PADI1: variants seen among roughly 807,000 people sequenced by gnomAD.
PADI1 encodes the protein peptidyl arginine deiminase 1.
In PADI1, 65 loss-of-function variants were observed where a neutral mutation model predicts 74.8. The observed-to-expected ratio is 0.87, with a 90% confidence interval of 0.71 to 1.07. PADI1 has a LOEUF of 1.07. PADI1 is among the 50% of genes least tolerant of loss of function. The pLI is 0.00. For missense variants in PADI1, 943 were observed against 854.0 expected, an observed-to-expected ratio of 1.10 and a Z score of -1.30; for synonymous variants, 371 against 336.2, an observed-to-expected ratio of 1.10 and a Z score of -1.13.
chr1:17,228,566 T>A (rs1351678053), intron 6 of PADI1, 59 bp from the exon 7 acceptor site: 1 of 1,577,672 alleles, frequency 6.3e-7, no homozygotes, highest in Admixed American at 1.7e-5. Context: ...CCTGGATTCC[T>A]GGGCTTGCAG....
intron 6 of PADI1, among the ~76,000 whole-genome samples, chr1:17,227,432 G>A (rs564125250): frequency 2.0e-5 from 3 of 150,554 alleles, no homozygotes; most frequent in African/African-American, 4.9e-5. Context: ...TCTGAAGGCT[G>A]AAGTGGGAGG....
At chr1:17,225,735 G>A (rs772785223) in intron 4 of PADI1, 76 bp from the exon 5 acceptor site, 71 of 941,114 alleles carry the variant, frequency 7.5e-5, no homozygotes, top group Middle Eastern at 2.8e-4. Flanking sequence ...AAAGCAGCCC[G>A]CCCTGGCCAT....
In PADI1 at chr1:17,237,475, C is replaced by A. The variant is rs769050999; in HGVS notation, c.1458+17C>A. 6.3e-7 allele frequency: 1 copy of A among 1,592,796 alleles called. No homozygotes were observed. Among genetic ancestry groups the A allele is most frequent in the Non-Finnish European group, 8.6e-7 (1 of 1,168,950 alleles). On this transcript the variant is annotated intron_variant, in intron 12 of 15. Transcript: ENST00000375471. The stretch of plus-strand genomic sequence containing the variant: ...GACCAAAAGGTGCGTCCCCTCCTTC[C>A]CTGCCTGAGCCACCTCTGCCCTTGT...
intron 2 of PADI1, 154 bp from the exon 3 acceptor site, chr1:17,223,467 C>A (rs2072218126): frequency 4.8e-6 from 3 of 627,390 alleles, no homozygotes; most frequent in Non-Finnish European, 5.7e-6. Context: ...TGAATCCCAG[C>A]CGGGAGCCCT....
chr1:17,230,979 G>C (rs2072476083), intron 10 of PADI1, among the ~76,000 whole-genome samples: 2 of 152,200 alleles, frequency 1.3e-5, no homozygotes, highest in Non-Finnish European at 2.9e-5. Context: ...TGGCAGTGTG[G>C]TCAGCTCTGG....
chr1:17,243,564 A>G (rs911794661), intron 15 of PADI1, among the ~76,000 whole-genome samples: 2 of 152,242 alleles, frequency 1.3e-5, no homozygotes, highest in Non-Finnish European at 2.9e-5. Context: ...AAAGACAGTT[A>G]AGCAAGCTGT....
chr1:17,229,654 C>T (rs1440159971), intron 8 of PADI1, among the ~76,000 whole-genome samples: 1 of 152,210 alleles, frequency 6.6e-6, no homozygotes, highest in African/African-American at 2.4e-5. Context: ...GCTCTGCTTC[C>T]CCGGGTCTAG....
intron 2 of PADI1, 71 bp downstream of exon 2, chr1:17,222,541 G>A (rs1347116380): frequency 2.5e-6 from 3 of 1,205,110 alleles, no homozygotes; most frequent in East Asian, 2.3e-5. Flanking sequence ...GCCCCACATT[G>A]GCAATTCCCA....
At chr1:17,236,614 C>T (rs1296698875) in intron 11 of PADI1, among the ~76,000 whole-genome samples, 1 of 151,992 alleles carries the variant, frequency 6.6e-6, no homozygotes, top group Non-Finnish European at 1.5e-5. Context: ...ATTAGCCGTG[C>T]GTGGTGGCAC....
intron 1 of PADI1, among the ~76,000 whole-genome samples, chr1:17,218,690 C>G (rs937198028): frequency 4.6e-5 from 7 of 152,050 alleles, no homozygotes; most frequent in African/African-American, 1.7e-4. Flanking sequence ...GTCAAGGGAG[C>G]AGAAGAAATG....
In PADI1 at chr1:17,244,756, G is replaced by C; in HGVS notation, c.*513G>C. The C allele has an allele frequency of 3.0e-6, 1 of 334,640 alleles. No individual in the cohort carries two copies. The highest frequency in any genetic ancestry group is 5.9e-6 in the Non-Finnish European group (1 of 170,378). 20.7% of individuals were successfully genotyped at this position (334,640 alleles called of 1,614,324 possible). ...GTTTCTTCTCCCAAAGGGGACCCAA[G>C]GCTGTGACACTTACCTCCACCCCCA... On this transcript the variant is annotated 3_prime_UTR_variant, in exon 16 of 16. Coordinates refer to ENST00000375471, the MANE Select transcript of PADI1 (RefSeq NM_013358.3).
intron 1 of PADI1, among the ~76,000 whole-genome samples, chr1:17,211,480 C>T (rs1334394159): frequency 6.6e-6 from 1 of 152,178 alleles, no homozygotes; most frequent in Non-Finnish European, 1.5e-5. Flanking sequence ...TTTAAGTGCT[C>T]ACTGCACCAT....
intron 1 of PADI1, among the ~76,000 whole-genome samples, chr1:17,218,119 A>T (rs542442642): frequency 1.3e-5 from 2 of 152,208 alleles, no homozygotes; most frequent in Non-Finnish European, 1.5e-5. Context: ...GGAAAGAATG[A>T]GCAGATTGGG....
chr1:17,216,691 C>A (rs548807451), intron 1 of PADI1, among the ~76,000 whole-genome samples: 1 of 151,886 alleles, frequency 6.6e-6, no homozygotes, highest in African/African-American at 2.4e-5. Flanking sequence ...GCCAACATGG[C>A]GAAACCCCAT....
chr1:17,240,556 C>T (rs575374030), intron 14 of PADI1, 79 bp from the exon 15 acceptor site: 29 of 1,515,916 alleles, frequency 1.9e-5, no homozygotes, highest in Non-Finnish European at 2.3e-5. Flanking sequence ...GGGCTCCACA[C>T]GGGCCCAGCG....
Position 17,244,026 on chromosome 1 carries a change from T to C in PADI1, c.1775T>C (p.Leu592Ser). 6.2e-7 allele frequency: 1 copy of C among 1,613,822 alleles called. No individual in the cohort carries two copies. Among genetic ancestry groups the C allele is most frequent in the Non-Finnish European group, 8.5e-7 (1 of 1,179,734 alleles). The stretch of plus-strand genomic sequence containing the variant: ...CTTTTGCAGGTTAACATGGTGGTCT[T>C]AGGCAAGTACCTGGGCATCCCCAAG... Reference protein sequence around the residue: ...FFPDMVNMVVLGKYLGIPKPY... With the variant: ...FFPDMVNMVVSGKYLGIPKPY... Residue 592 changes from leucine (L) to serine (S), a missense_variant, in exon 16 of 16, where the codon TTA becomes TCA. Transcript: ENST00000375471.
chr1:17,233,036 C>A, intron 11 of PADI1, 66 bp downstream of exon 11: 2 of 1,369,046 alleles, frequency 1.5e-6, no homozygotes, highest in Non-Finnish European at 2.0e-6. Flanking sequence ...CCTCCCTGTG[C>A]CCCCATCACA....
At chr1:17,224,180 G>T (rs2072243605) in intron 3 of PADI1, among the ~76,000 whole-genome samples, 187 bp from the exon 4 acceptor site, 1 of 152,180 alleles carries the variant, frequency 6.6e-6, no homozygotes, top group African/African-American at 2.4e-5. Flanking sequence ...CAAAGGCTTG[G>T]GTCCCTCCAA....
intron 1 of PADI1, among the ~76,000 whole-genome samples, chr1:17,220,278 G>A (rs1395604614): frequency 6.6e-6 from 1 of 152,048 alleles, no homozygotes; most frequent in Non-Finnish European, 1.5e-5. Context: ...CGTGATTGTT[G>A]GAATTAGGAC....
Sources: gnomAD v4.1 joint callset for allele counts (sites outside exome capture counted in the v4.1 genomes callset) on GRCh38, gnomAD v4.1.1 for gene constraint, MANE v1.5 for transcripts, NCBI Gene and HGNC (gene_info 2026-07-23, HGNC 2026-07-21) for gene names.